Variants in TNRC18 observed in about 807,000 individuals in gnomAD.
TNRC18 encodes trinucleotide repeat containing 18, also known as trinucleotide repeat-containing gene 18 protein.
Under a neutral mutation model 226.7 loss-of-function variants are expected in TNRC18, and 69 were observed. The observed-to-expected ratio is 0.30, with a 90% CI of 0.25 to 0.37. TNRC18 has a LOEUF of 0.37. TNRC18 is among the 10% of genes least tolerant of loss of function. The pLI is 1.00. For missense variants in TNRC18, 4,754 were observed against 4,256.6 expected (o/e 1.12, Z -3.25); for synonymous variants, 2,449 against 1,927.6 (o/e 1.27, Z -7.09).
intron 2 of TNRC18, among the ~76,000 whole-genome samples, chr7:5,411,215 C>CAA (rs35392221): frequency 1.1e-4 from 8 of 75,944 alleles, no homozygotes; most frequent in Admixed American, 1.5e-4. Context: ...GACTCCATCT[C>CAA]AAAAAAAAAA....
intron 16 of TNRC18, among the ~76,000 whole-genome samples, chr7:5,354,093 C>A: frequency 6.6e-6 from 1 of 152,056 alleles, no homozygotes; most frequent in East Asian, 1.9e-4. Context: ...ACCCCAGCTA[C>A]TCAGGAGGCT....
intron 11 of TNRC18, among the ~76,000 whole-genome samples, chr7:5,369,616 A>C (rs1793962394): frequency 6.6e-6 from 1 of 152,114 alleles, no homozygotes; most frequent in Admixed American, 6.6e-5. Context: ...AGAGAGAGAG[A>C]GACTAGGGAA....
chr7:5,389,461 G>GGTTTTTT, intron 4 of TNRC18, 125 bp from the exon 5 acceptor site: 2 of 564,674 alleles, frequency 3.5e-6, no homozygotes, highest in Non-Finnish European at 4.5e-6. Flanking sequence ...TTTGGTTTTG[G>GGTTTTTT]TTTTTTTTTT....
In TNRC18 at chr7:5,420,982, G is replaced by A. The variant is rs536653759; in HGVS notation, c.187+78C>T. On this transcript the variant is annotated intron_variant, in intron 2 of 29. Coordinates refer to ENST00000430969, the MANE Select transcript of TNRC18 (RefSeq NM_001080495.3). ...GAAGGAGAGTCGCCGAGCCCCGGCC[G>A]CGAGTGCACAGGAGGACCCGGCCGA... The A allele has an allele frequency of 3.0e-3, 4,634 of 1,522,592 alleles. 10 individuals carry two copies. The highest frequency in any genetic ancestry group is 4.4e-3 in the Middle Eastern group (26 of 5,866). 94.3% of individuals were successfully genotyped at this position (1,522,592 alleles called of 1,614,324 possible). A position where few individuals can be genotyped will look rare whatever the true frequency, so the allele number is the denominator to read the frequency against.
Position 5,387,690 on chromosome 7 carries a change from A to T in TNRC18, c.2134T>A (p.Ser712Thr). Residue 712 changes from serine to threonine, a missense_variant, in exon 5 of 30, where the codon TCG becomes ACG. Coordinates refer to ENST00000430969, the MANE Select transcript of TNRC18 (RefSeq NM_001080495.3). The stretch of plus-strand genomic sequence containing the variant: ...GACCTACCTTTGACGTTACTCAGCG[A>T]CAGAGAGCGCTCCTGGTCTACCAGC... ...PGLVDQERSL[S>T]LSNVKGHGRA... The T allele has an allele frequency of 6.2e-7, 1 of 1,604,838 alleles. No individual in the cohort carries two copies. Among genetic ancestry groups the T allele is most frequent in the Non-Finnish European group, 8.5e-7 (1 of 1,179,830 alleles).
chr7:5,335,162 G>A lies in TNRC18; in HGVS notation c.5720-2113C>T, dbSNP rs147596808. On this transcript the variant is annotated intron_variant, in intron 18 of 29. Coordinates refer to ENST00000430969, the MANE Select transcript of TNRC18 (RefSeq NM_001080495.3). The stretch of plus-strand genomic sequence containing the variant: ...TGCTAAAAATACAAAAATTAGCCGG[G>A]CATGGTGGCGGGTGCCTATAGTCCC... 4.9e-3 allele frequency among the ~76,000 whole-genome samples: 742 copies of A among 151,806 alleles called. 6 individuals carry two copies. The highest frequency in any genetic ancestry group is 0.017 in the African/African-American group (702 of 41,360).
chr7:5,327,533 G>A (rs1045740932), intron 19 of TNRC18, among the ~76,000 whole-genome samples: 6 of 152,002 alleles, frequency 3.9e-5, no homozygotes, highest in South Asian at 2.1e-4. Flanking sequence ...TCTGGGATCC[G>A]TCATTAAGCA....
rs777433977 is a variant in TNRC18 at position 5,377,968 on chromosome 7, G to A, written c.2209C>T (p.Arg737Trp). The part of the protein sequence containing the change: ...VDDRARHREE[R>W]LLGARLDRDQ... The stretch of plus-strand genomic sequence containing the variant: ...CGGTCCAGCCGTGCCCCGAGCAGCC[G>A]TTCCTCCCGGTGTCTGGCCCGGTCG... Residue 737 changes from arginine to tryptophan, a missense_variant, in exon 6 of 30, where the codon CGG (arginine) becomes TGG (tryptophan). Physicochemically the swap from Arg to Trp is moderately radical, Grantham distance 101. Transcript: ENST00000430969. The surrounding 1 kb of genome is among the most constrained non-coding windows in gnomAD (Gnocchi z 5.8). 9.9e-6 allele frequency: 16 copies of A among 1,613,206 alleles called. No individual in the cohort carries two copies. Among genetic ancestry groups the A allele is most frequent in the Middle Eastern group, 1.6e-4 (1 of 6,080 alleles).
At chr7:5,371,873 C>T (rs1371118706) in intron 10 of TNRC18, among the ~76,000 whole-genome samples, 1 of 152,156 alleles carries the variant, frequency 6.6e-6, no homozygotes, top group Non-Finnish European at 1.5e-5. Flanking sequence ...AAGTTCAAGA[C>T]CAGCCTGAGC....
intron 19 of TNRC18, among the ~76,000 whole-genome samples, chr7:5,328,329 C>T (rs944151404): frequency 1.4e-4 from 22 of 152,144 alleles, no homozygotes; most frequent in African/African-American, 4.3e-4. Context: ...TCAAGACCAT[C>T]CTGGGCAACA....
intron 24 of TNRC18, among the ~76,000 whole-genome samples, chr7:5,319,890 G>T (rs1426490200): frequency 6.6e-6 from 1 of 152,196 alleles, no homozygotes; most frequent in African/African-American, 2.4e-5. Context: ...GAATAAAAGG[G>T]AGGTGACCTC....
At chr7:5,418,120 AT>A (rs1222043855) in intron 2 of TNRC18, among the ~76,000 whole-genome samples, 2 of 152,072 alleles carry the variant, frequency 1.3e-5, no homozygotes, top group Non-Finnish European at 2.9e-5. Context: ...CAAGTACAAA[AT>A]CCTACTAATA....
Position 5,324,048 on chromosome 7 carries a change from C to A in TNRC18, c.6442+166G>T, listed in dbSNP as rs1788645889. ...TGCAGTTGACTAAGCTGCAGCCAGT[C>A]CAGCCTTCTCATCGACCCGGATAAC... On this transcript the variant is annotated intron_variant, in intron 21 of 29. Transcript: ENST00000430969. This position sits in a 1 kb window ranked among gnomAD's most constrained non-coding sequence, Gnocchi z 4.8. 6.6e-6 allele frequency among the ~76,000 whole-genome samples: 1 copy of A among 152,216 alleles called. No individual in the cohort carries two copies. The highest frequency in any genetic ancestry group is 1.5e-5 in the Non-Finnish European group (1 of 68,042).
chr7:5,352,146 G>A (rs781181224), intron 16 of TNRC18, 52 bp from the exon 17 acceptor site: 17 of 1,514,780 alleles, frequency 1.1e-5, no homozygotes, highest in Middle Eastern at 3.5e-4. Context: ...AGCAGGAGCT[G>A]GTGTCATTTT....
At position 5,389,161 on chromosome 7, in the gene TNRC18, G is replaced by A. The variant is rs759168482; in HGVS notation, c.663C>T (p.Gly221=). ...GRGGEPPPLF[G]KKDPRARGEE... ...CGCCCCGGGCGCGCGGGTCCTTCTT[G>A]CCGAAAAGCGGAGGCGGCTCCCCGC... The change falls in exon 5 of 30, where the codon GGC becomes GGT. Residue 221 remains glycine (G), a synonymous_variant. Transcript: ENST00000430969. 3.8e-6 allele frequency: 5 copies of A among 1,325,526 alleles called. No homozygotes were observed. Among genetic ancestry groups the A allele is most frequent in the African/African-American group, 1.6e-5 (1 of 63,728 alleles). 82.1% of individuals were successfully genotyped at this position (1,325,526 alleles called of 1,614,324 possible). A position where few individuals can be genotyped will look rare whatever the true frequency, so the allele number is the denominator to read the frequency against.
At chr7:5,382,545 C>T (rs570208356) in intron 5 of TNRC18, among the ~76,000 whole-genome samples, 116 of 151,592 alleles carry the variant, frequency 7.7e-4, no homozygotes, top group Non-Finnish European at 1.3e-3. Context: ...TCCGGGGAAG[C>T]GGATCGGGGG....
chr7:5,396,915 C>A (rs1029033647), intron 2 of TNRC18, among the ~76,000 whole-genome samples: 2 of 152,194 alleles, frequency 1.3e-5, no homozygotes, highest in African/African-American at 4.8e-5. Flanking sequence ...TGACCGCCTC[C>A]CAGGGGCACA....
At chr7:5,357,775 C>CG (rs1792602704) in intron 15 of TNRC18, among the ~76,000 whole-genome samples, 2 of 152,198 alleles carry the variant, frequency 1.3e-5, no homozygotes, top group Admixed American at 1.3e-4. Flanking sequence ...AGGCTGACCA[C>CG]GACTGGCCAG....
intron 18 of TNRC18, 46 bp downstream of exon 18, chr7:5,345,516 C>CA: frequency 5.6e-6 from 2 of 354,368 alleles, no homozygotes; most frequent in African/African-American, 2.2e-5. Context: ...CAATGGCGTC[C>CA]GCCCCTCCCA....
Sources: allele counts gnomAD v4.1 joint callset (sites outside exome capture counted in the v4.1 genomes callset), GRCh38; gene constraint gnomAD v4.1.1; non-coding constraint Gnocchi (gnomAD v3.1); transcripts MANE v1.5; gene names NCBI Gene and HGNC (gene_info 2026-07-23, HGNC 2026-07-21).